Variants in DDHD1 observed in about 807,000 individuals in gnomAD.
The protein encoded by DDHD1 is DDHD domain containing 1.
In DDHD1, 49 loss-of-function variants were observed where a neutral mutation model predicts 96.4. That is an observed-to-expected ratio of 0.51 (90% CI 0.40 to 0.64). The LOEUF (loss-of-function observed/expected upper bound fraction) is 0.64. Ranked by LOEUF, DDHD1 falls within the 30% of genes least tolerant of loss-of-function variation. DDHD1 has a pLI of 0.00. For synonymous variants in DDHD1, 442 were observed against 446.5 expected (o/e 0.99, Z 0.13); for missense variants, 1,106 against 1,161.2 (o/e 0.95, Z 0.69).
chr14:53,054,458 G>C lies in DDHD1; in HGVS notation c.2417C>G (p.Ser806Cys). 1 of 1,614,002 alleles carries C rather than the reference G, an allele frequency of 6.2e-7. No individual in the cohort carries two copies. Among genetic ancestry groups the C allele is most frequent in the East Asian group, 2.2e-5 (1 of 44,884 alleles). ...CTAACATGCAGAATCGAGGAAGCCA[G>C]AACTGCTATGTGGAAGGGTCTGTGT... ...VGTQTLPHSS[S>C]GFLDSAYFRL... The change falls in exon 11 of 13, where the codon TCT becomes TGT. Residue 806 changes from serine to cysteine, a missense_variant. Physicochemically the swap from Ser to Cys is moderately radical, Grantham distance 112. Coordinates refer to ENST00000673822, the MANE Select transcript of DDHD1 (RefSeq NM_001160148.2).
In DDHD1 at chr14:53,044,187, C is replaced by G. The variant is rs1359542257; in HGVS notation, c.*2581G>C. On this transcript the variant is annotated 3_prime_UTR_variant, in exon 13 of 13. Coordinates refer to ENST00000673822, the MANE Select transcript of DDHD1 (RefSeq NM_001160148.2). The stretch of plus-strand genomic sequence containing the variant: ...TACTACAAAACCGAAATCACCATCT[C>G]TACTGATGAAAAATGAACTGAAAAC... The G allele has an allele frequency of 6.6e-6, 1 of 152,162 alleles. No individual in the cohort carries two copies. Among genetic ancestry groups the G allele is most frequent in the Non-Finnish European group, 1.5e-5 (1 of 68,040 alleles). 9.4% of individuals were successfully genotyped at this position (152,162 alleles called of 1,614,324 possible).
intron 1 of DDHD1, among the ~76,000 whole-genome samples, chr14:53,139,564 A>G (rs1890489574): frequency 6.6e-6 from 1 of 152,070 alleles, no homozygotes; most frequent in Non-Finnish European, 1.5e-5. Flanking sequence ...CCCCCACACT[A>G]AACGTCTAGC....
At chr14:53,068,469 T>C (rs955204592) in intron 6 of DDHD1, among the ~76,000 whole-genome samples, 6 of 152,130 alleles carry the variant, frequency 3.9e-5, no homozygotes, top group African/African-American at 1.2e-4. Flanking sequence ...CAGGCTGGTC[T>C]AGAACTCCAT....
chr14:53,058,756 G>A, intron 8 of DDHD1, 130 bp from the exon 9 acceptor site: 1 of 774,610 alleles, frequency 1.3e-6, no homozygotes, highest in Middle Eastern at 3.5e-4. Context: ...TTTTTAATAA[G>A]AGTTATCCAG....
intron 1 of DDHD1, among the ~76,000 whole-genome samples, chr14:53,110,052 C>A (rs889820421): frequency 5.9e-5 from 9 of 152,220 alleles, no homozygotes; most frequent in African/African-American, 2.2e-4. Context: ...CATTCCCTAT[C>A]ACAGTGAATG....
intron 1 of DDHD1, among the ~76,000 whole-genome samples, chr14:53,128,914 T>C (rs1293669946): frequency 1.3e-5 from 2 of 152,248 alleles, no homozygotes; most frequent in Admixed American, 1.3e-4. Context: ...ACACCCTCCC[T>C]GCCCTTGTGA....
Position 53,040,210 on chromosome 14 carries a change from T to C in DDHD1, c.*6558A>G, listed in dbSNP as rs1310134527. On this transcript the variant is annotated 3_prime_UTR_variant, in exon 13 of 13. Transcript: ENST00000673822. ...TATGGTCACTGACTGAACCCTGGAC[T>C]GAGAAATTGTGAATGAACCATAATC... is the stretch of plus-strand genomic sequence containing the variant. 6.6e-6 allele frequency: 1 copy of C among 152,200 alleles called. No homozygotes were observed. Among genetic ancestry groups the C allele is most frequent in the Non-Finnish European group, 1.5e-5 (1 of 68,038 alleles). 9.4% of individuals were successfully genotyped at this position (152,200 alleles called of 1,614,324 possible).
chr14:53,066,874 C>CA (rs2139887833), intron 6 of DDHD1, among the ~76,000 whole-genome samples: 1 of 146,830 alleles, frequency 6.8e-6, no homozygotes, highest in East Asian at 2.0e-4. Flanking sequence ...GCCTAAGGCA[C>CA]AAGAATCACT....
intron 1 of DDHD1, among the ~76,000 whole-genome samples, chr14:53,115,938 G>A (rs984122944): frequency 6.6e-6 from 1 of 152,100 alleles, no homozygotes; most frequent in Non-Finnish European, 1.5e-5. Flanking sequence ...CTGGAAAACT[G>A]GATAGAGTCA....
Position 53,063,123 on chromosome 14 carries a change from C to A in DDHD1, c.1586G>T (p.Gly529Val), listed in dbSNP as rs1360254413. The change falls in exon 7 of 13, where the codon GGT becomes GTT. Residue 529 changes from glycine (G) to valine (V), a missense_variant. Around this residue, in one of 2 missense-constraint regions of DDHD1, gnomAD observed 650 missense variants for 758.8 expected, o/e 0.86. Coordinates refer to ENST00000673822, the MANE Select transcript of DDHD1 (RefSeq NM_001160148.2). ...GGAATGTGATACTATTGAGACTTTA[C>A]CCCCTTTTTCTTCAAAGTCTGGATT... The part of the protein sequence containing the change: ...SRNPDFEEKG[G>V]KVSIVSHSLG... 9 of 1,614,024 alleles carry A rather than the reference C, an allele frequency of 5.6e-6. No individual in the cohort carries two copies. The highest frequency in any genetic ancestry group is 1.7e-5 in the Admixed American group (1 of 60,018).
rs561001682 is a variant in DDHD1, at chr14:53,056,818, T to A, written c.1993-906A>T. On this transcript the variant is annotated intron_variant, in intron 9 of 12. Transcript: ENST00000673822. ...AACTATAAAATGAATAATAAAAATT[T>A]AAGAGTTTGGAATCCTCCTTTAAAG... is the stretch of plus-strand genomic sequence containing the variant. 7.2e-5 allele frequency among the ~76,000 whole-genome samples: 11 copies of A among 152,298 alleles called. No individual in the cohort carries two copies. The South Asian group carries it at 2.1e-3, about 29-fold the overall frequency.
chr14:53,125,553 A>C (rs1889362849), intron 1 of DDHD1, among the ~76,000 whole-genome samples: 1 of 152,230 alleles, frequency 6.6e-6, no homozygotes, highest in Non-Finnish European at 1.5e-5. Flanking sequence ...AATATGTATT[A>C]ACATAGTTGA....
At chr14:53,116,863 A>G (rs1187234160) in intron 1 of DDHD1, among the ~76,000 whole-genome samples, 1 of 152,218 alleles carries the variant, frequency 6.6e-6, no homozygotes, top group Non-Finnish European at 1.5e-5. Flanking sequence ...AGCAAGAAAT[A>G]GAGCAGAACT....
At position 53,102,987 on chromosome 14, in the gene DDHD1, A is replaced by C. The variant is rs1887419584; in HGVS notation, c.1012+696T>G. ...GAAACGGTTTTAGAAGAAAAACTTCAGACAAATCTACAAATTCTAATCTAC... is the reference window on the plus strand; with the variant it reads ...GAAACGGTTTTAGAAGAAAAACTTCCGACAAATCTACAAATTCTAATCTAC... On this transcript the variant is annotated intron_variant, in intron 2 of 12. Transcript: ENST00000673822. 5 of 1,541,804 alleles carry C rather than the reference A, an allele frequency of 3.2e-6. No individual in the cohort carries two copies. The South Asian group carries it at 6.1e-5, about 19-fold the overall frequency.
rs1005819661 is a variant in DDHD1, at chr14:53,152,391, G to T, written c.708C>A (p.Gly236=). The T allele has an allele frequency of 6.2e-7, 1 of 1,613,918 alleles. No homozygotes were observed. Among genetic ancestry groups the T allele is most frequent in the Non-Finnish European group, 8.5e-7 (1 of 1,179,974 alleles). Residue 236 remains glycine, a synonymous_variant, in exon 1 of 13, where the codon GGC becomes GGA. Transcript: ENST00000673822. Reference sequence around the variant, plus strand: ...CGTGCCCCGTCGTACTCTGGCAGAAGCCGCAGGCGCGGTCCTCATCGTCAT... The same window carrying T: ...CGTGCCCCGTCGTACTCTGGCAGAATCCGCAGGCGCGGTCCTCATCGTCAT... ...GEDDDEDRAC[G]FCQSTTGHEP... is the part of the protein sequence containing the mutation.
In DDHD1 at chr14:53,063,039, T is replaced by C. The variant is rs373255795; in HGVS notation, c.1670A>G (p.Glu557Gly). 8 of 1,614,158 alleles carry C rather than the reference T, an allele frequency of 5.0e-6. No individual in the cohort carries two copies. The highest frequency in any genetic ancestry group is 6.8e-6 in the Non-Finnish European group (8 of 1,180,002). ...MTGWNPVRLY[E>G]QLLQKEEELP... is the part of the protein sequence containing the mutation. The stretch of plus-strand genomic sequence containing the variant: ...CTCTTCTTCCTTTTGCAGCAACTGT[T>C]CATACAGCCGAACTGGATTCCAGCC... Residue 557 changes from glutamate (E) to glycine (G), a missense_variant, in exon 7 of 13, where the codon GAA becomes GGA. Transcript: ENST00000673822.
At chr14:53,122,514 C>T (rs1323879175) in intron 1 of DDHD1, among the ~76,000 whole-genome samples, 1 of 151,962 alleles carries the variant, frequency 6.6e-6, no homozygotes, top group East Asian at 1.9e-4. Flanking sequence ...TGGCTGCTAC[C>T]TGTATCTATT....
chr14:53,076,382 A>G (rs1173200097), intron 4 of DDHD1, among the ~76,000 whole-genome samples: 1 of 152,180 alleles, frequency 6.6e-6, no homozygotes, highest in Non-Finnish European at 1.5e-5. Context: ...AAATAAGCAG[A>G]GTGTGAAGAT....
intron 2 of DDHD1, among the ~76,000 whole-genome samples, chr14:53,099,171 A>C (rs1473475404): frequency 6.6e-6 from 1 of 152,124 alleles, no homozygotes; most frequent in Non-Finnish European, 1.5e-5. Context: ...TTTAGACTTA[A>C]CAGAAAATAG....
Sources: allele counts gnomAD v4.1 joint callset (sites outside exome capture counted in the v4.1 genomes callset), GRCh38; gene constraint gnomAD v4.1.1; regional missense constraint gnomAD v4.1.1; transcripts MANE v1.5; gene names NCBI Gene and HGNC (gene_info 2026-07-23, HGNC 2026-07-21).